Variants in SP1 observed in about 807,000 individuals in gnomAD.
SP1 encodes Sp1 transcription factor.
A neutral mutation model predicts 66.3 loss-of-function variants in SP1; 6 were observed. That is an observed-to-expected ratio of 0.09 (90% CI 0.05 to 0.18). The LOEUF is 0.18. Ranked by LOEUF, SP1 falls within the 10% of genes least tolerant of loss-of-function variation. The pLI is 1.00. For missense variants in SP1, 848 were observed against 964.5 expected (o/e 0.88, Z 1.60); for synonymous variants, 417 against 360.8 (o/e 1.16, Z -1.77).
chr12:53,380,431 C>T (rs1938057466), intron 1 of SP1, 133 bp downstream of exon 1: 3 of 668,590 alleles, frequency 4.5e-6, no homozygotes, highest in Non-Finnish European at 6.2e-6. Context: ...AGGTCCCGCC[C>T]GGGGCGGAGG....
rs1030673343 is a variant in SP1 at position 53,414,820 on chromosome 12, G to A, written c.*3580G>A. 7.2e-5 allele frequency: 11 copies of A among 152,594 alleles called. No individual in the cohort carries two copies. The highest frequency in any genetic ancestry group is 5.9e-4 in the Admixed American group (9 of 15,270). 9.5% of individuals were successfully genotyped at this position (152,594 alleles called of 1,614,324 possible). ...CAGGCCCCTGTTATGCTTAGGGGGA[G>A]CCCTGGTGCTACTTGCTTGAAGTTT... On this transcript the variant is annotated 3_prime_UTR_variant, in exon 6 of 6. Coordinates refer to ENST00000327443, the MANE Select transcript of SP1 (RefSeq NM_138473.3).
intron 3 of SP1, among the ~76,000 whole-genome samples, chr12:53,384,316 A>C (rs1326424763): frequency 7.2e-5 from 7 of 97,694 alleles, no homozygotes. Context: ...ATGGAGTCTT[A>C]CTCTGTTACC....
chr12:53,409,322 C>T, intron 4 of SP1, 40 bp from the exon 5 acceptor site: 3 of 1,555,460 alleles, frequency 1.9e-6, no homozygotes, highest in Non-Finnish European at 2.6e-6. Context: ...CTTTAGTTTT[C>T]TCTAGAATGA....
rs1938979271 is a variant in SP1, at chr12:53,415,565, C to T, written c.*4325C>T. ...TCATTATCAAACAGCCCCAGTCTTC[C>T]TTGTCTCTGCTAAGAAAGTAGAGGC... is the stretch of plus-strand genomic sequence containing the variant. On this transcript the variant is annotated 3_prime_UTR_variant, in exon 6 of 6. Coordinates refer to ENST00000327443, the MANE Select transcript of SP1 (RefSeq NM_138473.3). 6.6e-6 allele frequency: 1 copy of T among 151,744 alleles called. No individual in the cohort carries two copies. The highest frequency in any genetic ancestry group is 1.5e-5 in the Non-Finnish European group (1 of 67,932). 9.4% of individuals were successfully genotyped at this position (151,744 alleles called of 1,614,324 possible). A position where few individuals can be genotyped will look rare whatever the true frequency, so the allele number is the denominator to read the frequency against.
intron 3 of SP1, among the ~76,000 whole-genome samples, chr12:53,384,323 T>C (rs1442482133): frequency 2.9e-4 from 39 of 133,348 alleles, no homozygotes; most frequent in African/African-American, 1.1e-3. Flanking sequence ...CTTACTCTGT[T>C]ACCCAGGCTG....
intron 2 of SP1, 64 bp from the exon 3 acceptor site, chr12:53,382,046 T>C: frequency 6.7e-7 from 1 of 1,487,946 alleles, no homozygotes; most frequent in Non-Finnish European, 9.3e-7. Flanking sequence ...ATTTGTTGTA[T>C]ACTGCCCCCT....
In SP1 at chr12:53,381,928, A is replaced by G. The variant is rs190890791; in HGVS notation, c.162+115A>G. 1,163 of 1,264,852 alleles carry G rather than the reference A, an allele frequency of 9.2e-4. 2 individuals are homozygous for G. The highest frequency in any genetic ancestry group is 1.2e-3 in the Non-Finnish European group (1,080 of 909,918). The allele number at this position is 1,264,852 out of a possible 1,614,324, so 78.4% of individuals were successfully genotyped here. ...GAGAGACTAAACCATTTTATAGATAAGGAAGTAAGAGAATGGAGATCCCCA... is the reference window on the plus strand; with the variant it reads ...GAGAGACTAAACCATTTTATAGATAGGGAAGTAAGAGAATGGAGATCCCCA... On this transcript the variant is annotated intron_variant, in intron 2 of 5. Coordinates refer to ENST00000327443, the MANE Select transcript of SP1 (RefSeq NM_138473.3).
rs1396240138 is a variant in SP1, at chr12:53,381,795, C to G, written c.144C>G (p.Ser48Arg). 1 of 1,613,474 alleles carries G rather than the reference C, an allele frequency of 6.2e-7. No individual in the cohort carries two copies. Among genetic ancestry groups the G allele is most frequent in the Non-Finnish European group, 8.5e-7 (1 of 1,179,846 alleles). Residue 48 changes from serine to arginine, a missense_variant, in exon 2 of 6, where the codon AGC becomes AGG. Coordinates refer to ENST00000327443, the MANE Select transcript of SP1 (RefSeq NM_138473.3). ...GTAGCAGCACAGGCAGTAGCAGCAGCACTGGAGGAGGAGGGCAGGTAAGTG... is the reference window on the plus strand; with the variant it reads ...GTAGCAGCACAGGCAGTAGCAGCAGGACTGGAGGAGGAGGGCAGGTAAGTG... ...ARSSSTGSSS[S>R]TGGGGQESQP...
Position 53,383,095 on chromosome 12 carries a change from GCC to G in SP1, c.1149_1150del (p.Gln384AlafsTer149). 6.2e-7 allele frequency: 1 copy of G among 1,614,168 alleles called. No individual in the cohort carries two copies. Among genetic ancestry groups the G allele is most frequent in the Non-Finnish European group, 8.5e-7 (1 of 1,180,044 alleles). On this transcript the variant is annotated frameshift_variant, in exon 3 of 6. Transcript: ENST00000327443. LOFTEE classifies it high-confidence loss of function. ...ACATCTGGAGGCTCATTGCAAGCAG[GCC>G]AGCAAAAAGAAGGAGAGCAAAACCA...
chr12:53,405,710 GGAGGGAGGGAGGGAAGGAAGAGAGA>G (rs913910193), intron 3 of SP1, among the ~76,000 whole-genome samples: 1 of 151,630 alleles, frequency 6.6e-6, no homozygotes, highest in Non-Finnish European at 1.5e-5. Context: ...AAGGAGGGAA[GGAGGGAGGGAGGGAAGGAAGAGAGA>G]GAGGGAGGGT....
rs57242856 is a variant in SP1 at position 53,412,930 on chromosome 12, C to CTGTGTGTGTGTGTGTG, written c.*1712_*1727dup. Reference sequence around the variant, plus strand: ...TGTGAGGAAGTGTGGAAAAATAGCTCTGTGTGTGTGTGTGTGTGTGTGTGT... The same window carrying CTGTGTGTGTGTGTGTG: ...TGTGAGGAAGTGTGGAAAAATAGCTCTGTGTGTGTGTGTGTGTGTGTGTGTGTGTGTGTGTGTGTGT... On this transcript the variant is annotated 3_prime_UTR_variant, in exon 6 of 6. Transcript: ENST00000327443. The CTGTGTGTGTGTGTGTG allele has an allele frequency of 6.8e-6, 1 of 147,340 alleles. No individual in the cohort carries two copies. Among genetic ancestry groups the CTGTGTGTGTGTGTGTG allele is most frequent in the Non-Finnish European group, 1.5e-5 (1 of 66,570 alleles). 9.1% of individuals were successfully genotyped at this position (147,340 alleles called of 1,614,324 possible). A position where few individuals can be genotyped will look rare whatever the true frequency, so the allele number is the denominator to read the frequency against.
chr12:53,410,186 TCCCA>T (rs1938847432), intron 5 of SP1, among the ~76,000 whole-genome samples: 1 of 151,498 alleles, frequency 6.6e-6, no homozygotes, highest in Non-Finnish European at 1.5e-5. Context: ...ACACCTGTAA[TCCCA>T]GCTACTCAGG....
chr12:53,406,072 T>TC (rs750257657), intron 3 of SP1, among the ~76,000 whole-genome samples: 1 of 138,256 alleles, frequency 7.2e-6, no homozygotes, highest in African/African-American at 2.6e-5. Flanking sequence ...TTTCTTTTTT[T>TC]TTTTTTTTTT....
chr12:53,405,138 C>T (rs1938704176), intron 3 of SP1, among the ~76,000 whole-genome samples: 1 of 151,902 alleles, frequency 6.6e-6, no homozygotes, highest in South Asian at 2.1e-4. Flanking sequence ...CGTGAGCTAC[C>T]ATGCCCAGCC....
intron 3 of SP1, among the ~76,000 whole-genome samples, chr12:53,396,598 A>T (rs1238689182): frequency 6.6e-6 from 1 of 152,100 alleles, no homozygotes; most frequent in Non-Finnish European, 1.5e-5. Context: ...CAAAAAACAG[A>T]TAAGGTTGCT....
chr12:53,392,380 G>A (rs1210580899), intron 3 of SP1, among the ~76,000 whole-genome samples: 12 of 119,596 alleles, frequency 1.0e-4, no homozygotes, highest in African/African-American at 3.0e-4. Flanking sequence ...TTTTTGAGAC[G>A]GAGTCTCGCT....
intron 3 of SP1, among the ~76,000 whole-genome samples, chr12:53,405,258 C>T (rs1036879809): frequency 6.6e-5 from 10 of 152,264 alleles, no homozygotes; most frequent in Middle Eastern, 3.4e-3. Context: ...AGGTTACAGG[C>T]AGAACCACAT....
Position 53,412,930 on chromosome 12 carries a change from CTGTG to C in SP1, c.*1724_*1727del, listed in dbSNP as rs57242856. 0.038 allele frequency: 5,616 copies of C among 147,286 alleles called. 117 individuals carry two copies. The highest frequency in any genetic ancestry group is 0.073 in the South Asian group (331 of 4,530). The allele number at this position is 147,286 out of a possible 1,614,324, so 9.1% of individuals were successfully genotyped here. ...TGTGAGGAAGTGTGGAAAAATAGCT[CTGTG>C]TGTGTGTGTGTGTGTGTGTGTGTGT... On this transcript the variant is annotated 3_prime_UTR_variant, in exon 6 of 6. Transcript: ENST00000327443.
intron 1 of SP1, chr12:53,380,560 C>G: frequency 1.4e-6 from 1 of 727,156 alleles, no homozygotes; most frequent in Non-Finnish European, 1.8e-6. Context: ...CCACGGGGGA[C>G]GGGCCTTACC....
Sources: gnomAD v4.1 joint callset for allele counts (sites outside exome capture counted in the v4.1 genomes callset) on GRCh38, gnomAD v4.1.1 for gene constraint, MANE v1.5 for transcripts, NCBI Gene and HGNC (gene_info 2026-07-23, HGNC 2026-07-21) for gene names.